ANK2: variants seen among roughly 807,000 people sequenced by gnomAD.
ANK2 encodes ankyrin 2.
A neutral mutation model predicts 360.5 loss-of-function variants in ANK2; 83 were observed. The observed-to-expected ratio is 0.23, with a 90% CI of 0.19 to 0.28. The LOEUF (loss-of-function observed/expected upper bound fraction) is 0.28, where lower values mean the gene tolerates loss of function less well. ANK2 is among the 10% of genes least tolerant of loss of function. ANK2 has a pLI of 1.00. For synonymous variants in ANK2, 1,740 were observed against 1,759.5 expected (o/e 0.99, Z 0.28); for missense variants, 4,201 against 4,795.7 (o/e 0.88, Z 3.66).
chr4:113,040,915 G>A (rs1252172781), intron 2 of ANK2, among the ~76,000 whole-genome samples: 1 of 152,024 alleles, frequency 6.6e-6, no homozygotes, highest in Non-Finnish European at 1.5e-5. Context: ...CCTTCCCCAT[G>A]TGAGACTTTT....
At chr4:112,930,281 A>G (rs1415535265) in intron 2 of ANK2, among the ~76,000 whole-genome samples, 1 of 151,086 alleles carries the variant, frequency 6.6e-6, no homozygotes, top group Non-Finnish European at 1.5e-5. Flanking sequence ...CCAGTCTCTA[A>G]AAAAAATACA....
intron 1 of ANK2, among the ~76,000 whole-genome samples, chr4:113,086,402 A>AT (rs543168593): frequency 5.9e-5 from 9 of 152,224 alleles, no homozygotes; most frequent in East Asian, 1.9e-4. Flanking sequence ...ATATTCATAG[A>AT]TTTTTTTTAT....
chr4:113,060,059 T>C (rs1241273241), intron 1 of ANK2, among the ~76,000 whole-genome samples: 1 of 152,086 alleles, frequency 6.6e-6, no homozygotes, highest in Non-Finnish European at 1.5e-5. Flanking sequence ...GAGTCACTTA[T>C]CTCCTAATGT....
intron 9 of ANK2, among the ~76,000 whole-genome samples, chr4:113,247,825 G>C (rs1177723549): frequency 2.0e-5 from 3 of 152,100 alleles, no homozygotes; most frequent in Non-Finnish European, 4.4e-5. Flanking sequence ...TCAAACCCTA[G>C]GTCTCCACAA....
Position 113,358,165 on chromosome 4 carries a change from C to G in ANK2, c.9547C>G (p.Pro3183Ala), listed in dbSNP as rs1395488886. The G allele has an allele frequency of 1.2e-6, 2 of 1,614,024 alleles. No homozygotes were observed. The highest frequency in any genetic ancestry group is 3.3e-5 in the Admixed American group (2 of 60,006). The stretch of plus-strand genomic sequence containing the variant: ...AGTGGATGATGAGGCAGACTTACTT[C>G]CAGATGACGTGAGTGAGGAAGTAGA... ...ETVDDEADLL[P>A]DDVSEEVEEI... The change falls in exon 38 of 46, where the codon CCA becomes GCA. Residue 3183 changes from proline (P) to alanine (A), a missense_variant. This residue lies in a region of ANK2 where 2,642 missense variants were observed against 2,714.5 expected (regional missense o/e 0.97). Coordinates refer to ENST00000357077, the MANE Select transcript of ANK2 (RefSeq NM_001148.6).
At chr4:112,816,264 C>T (rs58843885), upstream of ANK2, among the ~76,000 whole-genome samples, 1,000 of 152,278 alleles carry the variant, frequency 6.6e-3, 11 homozygotes, top group African/African-American at 0.022. Context: ...TCAGTAGAAA[C>T]AGTAGTAGAC....
At chr4:113,002,130 C>T (rs1261676914) in intron 2 of ANK2, among the ~76,000 whole-genome samples, 2 of 152,102 alleles carry the variant, frequency 1.3e-5, no homozygotes, top group South Asian at 2.1e-4. Flanking sequence ...CCCACTAACT[C>T]GTCATCTAGC....
intron 2 of ANK2, among the ~76,000 whole-genome samples, chr4:113,181,412 G>A (rs1192722197): frequency 6.6e-6 from 1 of 152,106 alleles, no homozygotes; most frequent in African/African-American, 2.4e-5. Flanking sequence ...CTGCCGGTCT[G>A]AACTCAGGCA....
chr4:113,339,198 AT>A, intron 31 of ANK2, 27 bp from the exon 32 acceptor site: 1 of 1,584,568 alleles, frequency 6.3e-7, no homozygotes, highest in Non-Finnish European at 8.7e-7. Context: ...GTTTTGCCTG[AT>A]TTTTTTCAAC....
chr4:113,096,884 G>A (rs190965018), intron 1 of ANK2, among the ~76,000 whole-genome samples: 3 of 151,734 alleles, frequency 2.0e-5, no homozygotes, highest in Non-Finnish European at 4.4e-5. Flanking sequence ...CACACAATTT[G>A]TCTAAGTCTG....
intron 1 of ANK2, among the ~76,000 whole-genome samples, chr4:113,147,201 C>G (rs970804297): frequency 7.9e-5 from 12 of 151,980 alleles, no homozygotes; most frequent in Non-Finnish European, 1.8e-4. Context: ...GGAGGCCGTC[C>G]CAGGGAAGGG....
chr4:112,918,173 T>G (rs1025113095), intron 2 of ANK2, among the ~76,000 whole-genome samples: 2 of 152,188 alleles, frequency 1.3e-5, no homozygotes, highest in African/African-American at 4.8e-5. Context: ...ACAGGCCATC[T>G]GATTGATTAG....
the ANK2 span, among the ~76,000 whole-genome samples, chr4:112,725,470 C>T: frequency 1.4e-5 from 2 of 147,136 alleles, no homozygotes; most frequent in South Asian, 4.5e-4. Context: ...ACGCGATTCT[C>T]CTGCCTCAGC....
intron 2 of ANK2, among the ~76,000 whole-genome samples, chr4:113,043,394 T>C (rs1485028955): frequency 6.6e-6 from 1 of 151,662 alleles, no homozygotes; most frequent in African/African-American, 2.4e-5. Flanking sequence ...GGCCCAGAAG[T>C]AGATCTGACC....
chr4:113,116,822 G>T (rs1485152494), intron 1 of ANK2, among the ~76,000 whole-genome samples: 4 of 152,220 alleles, frequency 2.6e-5, no homozygotes, highest in African/African-American at 9.6e-5. Flanking sequence ...TTTCACAGAG[G>T]TGGCCTCTTC....
chr4:113,358,179 T>A lies in ANK2; in HGVS notation c.9561T>A (p.Ser3187Arg), dbSNP rs767529784. Residue 3187 changes from serine to arginine, a missense_variant, in exon 38 of 46, where the codon AGT (serine) becomes AGA (arginine). This residue lies in a region of ANK2 where 2,642 missense variants were observed against 2,714.5 expected (regional missense o/e 0.97). Transcript: ENST00000357077. ...CAGACTTACTTCCAGATGACGTGAG[T>A]GAGGAAGTAGAGGAAATACCTGCTT... ...DEADLLPDDV[S>R]EEVEEIPASD... 1 of 1,613,950 alleles carries A rather than the reference T, an allele frequency of 6.2e-7. No individual in the cohort carries two copies.
At chr4:113,136,905 G>A (rs1329211056) in intron 1 of ANK2, among the ~76,000 whole-genome samples, 6 of 152,020 alleles carry the variant, frequency 3.9e-5, no homozygotes, top group South Asian at 2.1e-4. Flanking sequence ...TTACAGGTGC[G>A]TGCCACCAGG....
In ANK2 at chr4:112,845,508, A is replaced by C. The variant is rs1445590367; in HGVS notation, c.-40+27244A>C. Among the ~76,000 whole-genome samples the C allele has an allele frequency of 2.0e-5, 3 of 152,334 alleles. No individual in the cohort carries two copies. The East Asian group carries it at 5.8e-4, about 29-fold the overall frequency. ...ATTTCATAGATACCAATTATCCCAG[A>C]AAATGATGACCTAAGAGGAAGGTGT... On this transcript the variant is annotated intron_variant, in intron 1 of 30. Transcript: ENST00000503271.
chr4:113,125,431 A>T (rs955397812), intron 1 of ANK2, among the ~76,000 whole-genome samples: 2 of 152,198 alleles, frequency 1.3e-5, no homozygotes, highest in Admixed American at 1.3e-4. Context: ...TAAGATTATA[A>T]AAAACAGGCA....
Sources: gnomAD v4.1 joint callset for allele counts (sites outside exome capture counted in the v4.1 genomes callset) on GRCh38, gnomAD v4.1.1 for gene constraint, gnomAD v4.1.1 regional missense constraint, MANE v1.5 for transcripts, NCBI Gene and HGNC (gene_info 2026-07-23, HGNC 2026-07-21) for gene names.